UTRN: variants seen among roughly 807,000 people sequenced by gnomAD.
UTRN encodes utrophin.
UTRN carries 283 observed loss-of-function variants against 463.9 expected under a neutral mutation model. That is an observed-to-expected ratio of 0.61 (90% CI 0.55 to 0.67). UTRN has a LOEUF of 0.67. Among genes scored for constraint, UTRN ranks in the 30% least tolerant of loss-of-function variants. UTRN has a pLI of 0.00. For synonymous variants in UTRN, 1,442 were observed against 1,431.5 expected (o/e 1.01, Z -0.17); for missense variants, 3,922 against 4,084.3 (o/e 0.96, Z 1.08).
At position 144,824,500 on chromosome 6, in the gene UTRN, GTATATATTGTA is replaced by G. The variant is rs1231882892; in HGVS notation, c.9495-2840_9495-2830del. Among the ~76,000 whole-genome samples the G allele has an allele frequency of 1.4e-4, 13 of 94,794 alleles. No individual in the cohort carries two copies. In the East Asian group the frequency reaches 2.3e-3, roughly 17 times the overall value. The allele number at this position is 94,794 out of a possible 152,430, so 62.2% of individuals were successfully genotyped here. On this transcript the variant is annotated intron_variant, in intron 66 of 74. Coordinates refer to ENST00000367545, the MANE Select transcript of UTRN (RefSeq NM_007124.3). ...ATATATACACATATACAATAAATATGTATATATTGTATATATATGTATATATACACAAATAT... is the reference window on the plus strand; with the variant it reads ...ATATATACACATATACAATAAATATGTATATATGTATATATACACAAATAT...
At chr6:144,519,682 G>A (rs1262359558) in intron 39 of UTRN, among the ~76,000 whole-genome samples, 2 of 152,100 alleles carry the variant, frequency 1.3e-5, no homozygotes, top group Non-Finnish European at 2.9e-5. Context: ...AGTCTTGAAC[G>A]GCCTTGCTGC....
In UTRN at chr6:144,824,568, TTATTTA is replaced by T. The variant is rs1249452403; in HGVS notation, c.9495-2776_9495-2771del. ...TATGTATATATATTAATATAGCATT[TTATTTA>T]TATATATATATATATATATATATAT... is the stretch of plus-strand genomic sequence containing the variant. On this transcript the variant is annotated intron_variant, in intron 66 of 74. Coordinates refer to ENST00000367545, the MANE Select transcript of UTRN (RefSeq NM_007124.3). 9.6e-4 allele frequency among the ~76,000 whole-genome samples: 66 copies of T among 69,060 alleles called. 1 individual carries two copies. The South Asian group carries it at 0.011, about 12-fold the overall frequency. 45.3% of individuals were successfully genotyped at this position (69,060 alleles called of 152,430 possible). A position where few individuals can be genotyped will look rare whatever the true frequency, so the allele number is the denominator to read the frequency against.
In UTRN at chr6:144,678,536, A is replaced by G; in HGVS notation, c.7610A>G (p.Asn2537Ser). ...TMLQHRLDDM[N>S]QRWNDLKAKS... The stretch of plus-strand genomic sequence containing the variant: ...CTTCAACATCGACTGGATGATATGA[A>G]CCAAAGATGGAATGACTTAAAAGCA... The change falls in exon 52 of 75, where the codon AAC becomes AGC. Residue 2537 changes from asparagine (N) to serine (S), a missense_variant. Physicochemically the swap from Asn to Ser is conservative, Grantham distance 46. This residue lies in a region of UTRN where 1,309 missense variants were observed against 1,452.6 expected (regional missense o/e 0.90). Coordinates refer to ENST00000367545, the MANE Select transcript of UTRN (RefSeq NM_007124.3). The G allele has an allele frequency of 6.2e-7, 1 of 1,612,544 alleles. No individual in the cohort carries two copies. The highest frequency in any genetic ancestry group is 1.7e-5 in the Admixed American group (1 of 59,850).
At chr6:144,789,531 T>C (rs543424452) in intron 62 of UTRN, among the ~76,000 whole-genome samples, 1 of 152,170 alleles carries the variant, frequency 6.6e-6, no homozygotes. Flanking sequence ...CAAATTATAC[T>C]TCATTTAATT....
At chr6:144,518,259 G>T (rs1795798929) in intron 39 of UTRN, among the ~76,000 whole-genome samples, 1 of 152,096 alleles carries the variant, frequency 6.6e-6, no homozygotes, top group African/African-American at 2.4e-5. Context: ...CAAAGTCATG[G>T]CTGATCATGT....
Position 144,285,835 on chromosome 6 carries a change from T to A in UTRN, c.-93+14T>A, listed in dbSNP as rs1277669657. On this transcript the variant is annotated intron_variant, in intron 1 of 74. Transcript: ENST00000367545. ...CGCGGGCAGCAGGTAAGCCCATGCA[T>A]TATTGAAGCCTCGGGCTGGTAATGT... 6.6e-6 allele frequency: 1 copy of A among 152,098 alleles called. No homozygotes were observed. The highest frequency in any genetic ancestry group is 1.5e-5 in the Non-Finnish European group (1 of 68,110). 9.4% of individuals were successfully genotyped at this position (152,098 alleles called of 1,614,324 possible). A position where few individuals can be genotyped will look rare whatever the true frequency, so the allele number is the denominator to read the frequency against.
intron 2 of UTRN, among the ~76,000 whole-genome samples, chr6:144,328,806 C>G (rs1245239554): frequency 1.3e-5 from 2 of 151,664 alleles, no homozygotes; most frequent in Non-Finnish European, 2.9e-5. Context: ...TTTTTTGAGA[C>G]AAAGTCTCAC....
intron 40 of UTRN, among the ~76,000 whole-genome samples, chr6:144,522,726 C>T (rs3811100): frequency 0.1 from 15,345 of 152,004 alleles, 1,511 homozygotes; most frequent in East Asian, 0.54. Flanking sequence ...CTTCAAATGC[C>T]TCATTACCTA....
chr6:144,511,179 T>C, intron 35 of UTRN, 56 bp downstream of exon 35: 1 of 1,385,266 alleles, frequency 7.2e-7, no homozygotes, highest in Non-Finnish European at 9.5e-7. Flanking sequence ...TAGTTATTTT[T>C]TAAATGAATA....
chr6:144,851,054 A>G lies in UTRN; in HGVS notation c.*57A>G. ...CGTACAGTGTTGCCCTTTTCAGCAA[A>G]TGCCAATTCCAAGTTCCATTAAATC... On this transcript the variant is annotated 3_prime_UTR_variant, in exon 75 of 75. Coordinates refer to ENST00000367545, the MANE Select transcript of UTRN (RefSeq NM_007124.3). The G allele has an allele frequency of 6.2e-7, 1 of 1,611,508 alleles. No individual in the cohort carries two copies. The highest frequency in any genetic ancestry group is 8.5e-7 in the Non-Finnish European group (1 of 1,177,746).
chr6:144,426,502 G>C (rs775491987), intron 7 of UTRN, 43 bp downstream of exon 7: 4 of 1,561,816 alleles, frequency 2.6e-6, no homozygotes, highest in Non-Finnish European at 3.5e-6. Flanking sequence ...ACAAATTCAT[G>C]TCTCCTCTCT....
intron 43 of UTRN, among the ~76,000 whole-genome samples, chr6:144,533,908 A>G (rs569976032): frequency 1.3e-5 from 2 of 152,130 alleles, no homozygotes; most frequent in East Asian, 3.9e-4. Context: ...AGATTTATGA[A>G]TGATTTCTAC....
At chr6:144,376,701 A>G (rs1780495206) in intron 2 of UTRN, among the ~76,000 whole-genome samples, 1 of 152,054 alleles carries the variant, frequency 6.6e-6, no homozygotes, top group South Asian at 2.1e-4. Context: ...TTTACTTTTT[A>G]TTGCTTAGAA....
At chr6:144,846,583 C>T (rs146752088) in intron 73 of UTRN, among the ~76,000 whole-genome samples, 122 of 152,150 alleles carry the variant, frequency 8.0e-4, no homozygotes, top group African/African-American at 2.9e-3. Context: ...TCTTAAATCA[C>T]ATGGGATATG....
At chr6:144,617,499 T>C (rs753194231) in intron 51 of UTRN, among the ~76,000 whole-genome samples, 10 of 152,186 alleles carry the variant, frequency 6.6e-5, no homozygotes, top group Non-Finnish European at 1.0e-4. Context: ...TAATACTGGA[T>C]CTGCTGAGGT....
At position 144,414,168 on chromosome 6, in the gene UTRN, GT is replaced by G. The variant is rs1347889884; in HGVS notation, c.142-7708del. Among the ~76,000 whole-genome samples, 3 of 151,986 alleles carry G rather than the reference GT, an allele frequency of 2.0e-5. No individual in the cohort carries two copies. The East Asian group carries it at 5.8e-4, about 29-fold the overall frequency. On this transcript the variant is annotated intron_variant, in intron 3 of 74. Transcript: ENST00000367545. ...GTTAACTACAAAACAGCCTCAGGCA[GT>G]TCCTTCAGGAGGTGTCCCAGAAGAA... is the stretch of plus-strand genomic sequence containing the variant.
intron 2 of UTRN, among the ~76,000 whole-genome samples, chr6:144,385,688 C>T (rs752795677): frequency 6.6e-6 from 1 of 151,050 alleles, no homozygotes; most frequent in Non-Finnish European, 1.5e-5. Context: ...TAAATAAAGA[C>T]AGTGCTGCCA....
At chr6:144,739,986 C>A (rs977278215) in intron 54 of UTRN, among the ~76,000 whole-genome samples, 1 of 152,148 alleles carries the variant, frequency 6.6e-6, no homozygotes, top group Non-Finnish European at 1.5e-5. Context: ...CAGGTGCTGA[C>A]CATGTGCCAC....
Position 144,394,802 on chromosome 6 carries a change from C to T in UTRN, c.80-8321C>T, listed in dbSNP as rs1782253576. Among the ~76,000 whole-genome samples, 3 of 151,854 alleles carry T rather than the reference C, an allele frequency of 2.0e-5. No homozygotes were observed. In the South Asian group the frequency reaches 6.3e-4, roughly 32 times the overall value. ...CTGTGAATTTATGAGGAAGATCCCT[C>T]ATAACATGAGGAAAATAATGAAATA... is the stretch of plus-strand genomic sequence containing the variant. On this transcript the variant is annotated intron_variant, in intron 2 of 74. Coordinates refer to ENST00000367545, the MANE Select transcript of UTRN (RefSeq NM_007124.3).
Sources: allele counts gnomAD v4.1 joint callset (sites outside exome capture counted in the v4.1 genomes callset), GRCh38; gene constraint gnomAD v4.1.1; regional missense constraint gnomAD v4.1.1; transcripts MANE v1.5; gene names NCBI Gene and HGNC (gene_info 2026-07-23, HGNC 2026-07-21).